Variants in NEDD4L observed in about 807,000 individuals in gnomAD.
NEDD4L encodes the protein NEDD4 like E3 ubiquitin protein ligase.
In NEDD4L, 54 loss-of-function variants were observed where a neutral mutation model predicts 148.9. The observed-to-expected ratio is 0.36, with a 90% CI of 0.29 to 0.45. The LOEUF is 0.45. NEDD4L is among the 20% of genes least tolerant of loss of function. The pLI is 1.00. For missense variants in NEDD4L, 856 were observed against 1,233.8 expected (o/e 0.69, Z 4.59); for synonymous variants, 433 against 440.7 (o/e 0.98, Z 0.22).
chr18:58,232,332 G>C (rs903658249), intron 2 of NEDD4L, among the ~76,000 whole-genome samples: 1 of 152,190 alleles, frequency 6.6e-6, no homozygotes, highest in African/African-American at 2.4e-5. Context: ...TAACCAGGCT[G>C]AGATCCCTGA....
chr18:58,155,176 C>T (rs924546232), intron 1 of NEDD4L, among the ~76,000 whole-genome samples: 6 of 151,432 alleles, frequency 4.0e-5, no homozygotes, highest in African/African-American at 1.5e-4. Context: ...TTGAAAATAA[C>T]CCATTTGTCA....
At chr18:58,375,604 C>T (rs1221918589) in intron 24 of NEDD4L, among the ~76,000 whole-genome samples, 1 of 152,124 alleles carries the variant, frequency 6.6e-6, no homozygotes, top group Non-Finnish European at 1.5e-5. Flanking sequence ...TGGCTCGACA[C>T]TGCCCACTCT....
Position 58,252,036 on chromosome 18 carries a change from A to G in NEDD4L, c.279A>G (p.Val93=), listed in dbSNP as rs181265652. 24 of 1,595,982 alleles carry G rather than the reference A, an allele frequency of 1.5e-5. No individual in the cohort carries two copies. The East Asian group carries it at 4.9e-4, about 33-fold the overall frequency. Reference sequence around the variant, plus strand: ...CTAATCACAGACTCCTATTTGAAGTATTTGACGAAAATAGACTGGTAAGTG... The same window carrying G: ...CTAATCACAGACTCCTATTTGAAGTGTTTGACGAAAATAGACTGGTAAGTG... ...NPSNHRLLFE[V]FDENRLTRDD... is the part of the protein sequence containing the mutation. Residue 93 remains valine, a synonymous_variant, in exon 5 of 31, where the codon GTA becomes GTG. Transcript: ENST00000400345.
chr18:58,103,878 T>C (rs2084913419), intron 1 of NEDD4L, among the ~76,000 whole-genome samples: 1 of 152,218 alleles, frequency 6.6e-6, no homozygotes, highest in African/African-American at 2.4e-5. Flanking sequence ...AGAATAAAGC[T>C]GTCCTAGAGG....
At chr18:58,143,839 A>G (rs1166053124) in intron 1 of NEDD4L, among the ~76,000 whole-genome samples, 2 of 152,212 alleles carry the variant, frequency 1.3e-5, no homozygotes, top group Non-Finnish European at 2.9e-5. Flanking sequence ...TTTTACAGCT[A>G]CGTGCTAGGT....
chr18:58,385,538 G>A lies in NEDD4L; in HGVS notation c.2439G>A (p.Gln813=). The A allele has an allele frequency of 1.9e-6, 3 of 1,613,768 alleles. No homozygotes were observed. The highest frequency in any genetic ancestry group is 2.5e-6 in the Non-Finnish European group (3 of 1,179,656). ...TTTTCTCCTGCAGCTTAGTCATCCA[G>A]TGGAGATTTGTGAACAGGGTCCAGA... ...NKREYIDLVI[Q]WRFVNRVQKQ... The change falls in exon 26 of 31, where the codon CAG becomes CAA. Residue 813 remains glutamine (Q), a synonymous_variant. Coordinates refer to ENST00000400345, the MANE Select transcript of NEDD4L (RefSeq NM_001144967.3).
At chr18:58,386,007 C>G (rs2048963484) in intron 26 of NEDD4L, among the ~76,000 whole-genome samples, 1 of 151,788 alleles carries the variant, frequency 6.6e-6, no homozygotes, top group African/African-American at 2.4e-5. Flanking sequence ...CCTGGCCACC[C>G]CTCCCTCCCT....
chr18:58,044,477 C>T lies in NEDD4L; in HGVS notation c.-184C>T. The T allele has an allele frequency of 1.4e-6, 1 of 700,746 alleles. No homozygotes were observed. The highest frequency in any genetic ancestry group is 2.0e-6 in the Non-Finnish European group (1 of 505,796). The allele number at this position is 700,746 out of a possible 1,614,324, so 43.4% of individuals were successfully genotyped here. On this transcript the variant is annotated 5_prime_UTR_variant, in exon 1 of 31. Transcript: ENST00000400345. ...GCAGCCTTCCGGGAGGAAGCGGTGC[C>T]GGCAGCGTCCAGGGCGCGCTCTCGG...
intron 1 of NEDD4L, among the ~76,000 whole-genome samples, chr18:58,151,347 G>C (rs1388856017): frequency 6.6e-6 from 1 of 152,160 alleles, no homozygotes; most frequent in Admixed American, 6.5e-5. Context: ...TTTCTCTTCA[G>C]TGTTGGTCCA....
chr18:58,094,374 A>G (rs1353838514), intron 1 of NEDD4L, among the ~76,000 whole-genome samples: 1 of 151,438 alleles, frequency 6.6e-6, no homozygotes, highest in Admixed American at 6.6e-5. Context: ...TTTTATAGAG[A>G]CGGGATTTCT....
intron 6 of NEDD4L, among the ~76,000 whole-genome samples, chr18:58,317,052 A>C (rs973336259): frequency 6.6e-6 from 1 of 152,258 alleles, no homozygotes; most frequent in Non-Finnish European, 1.5e-5. Context: ...TAAGCTTTGA[A>C]GATGTGTTGT....
chr18:58,340,779 T>TA (rs2042319832), intron 13 of NEDD4L, among the ~76,000 whole-genome samples: 1 of 152,200 alleles, frequency 6.6e-6, no homozygotes, highest in Non-Finnish European at 1.5e-5. Context: ...AGCAACCCTT[T>TA]ACGTTTGAGA....
intron 2 of NEDD4L, among the ~76,000 whole-genome samples, chr18:58,187,611 G>A (rs1401059740): frequency 2.6e-5 from 4 of 151,928 alleles, no homozygotes; most frequent in African/African-American, 7.3e-5. Flanking sequence ...TCTTCACATG[G>A]TATTGAGTTT....
chr18:58,364,132 A>G, intron 19 of NEDD4L, 136 bp from the exon 20 acceptor site: 3 of 658,648 alleles, frequency 4.6e-6, no homozygotes, highest in South Asian at 3.5e-5. Context: ...GACATTATCT[A>G]ATTTTTCCAT....
rs970637808 is a variant in NEDD4L at position 58,357,255 on chromosome 18, C to T, written c.1767+3C>T. 1.2e-6 allele frequency: 2 copies of T among 1,611,282 alleles called. No individual in the cohort carries two copies. The highest frequency in any genetic ancestry group is 1.7e-6 in the Non-Finnish European group (2 of 1,178,168). Reference sequence around the variant, plus strand: ...AGAACCCAGCTATTACTGGTCCGGTCAGTATTTTCAAATTCTGCCTCTTCA... The same window carrying T: ...AGAACCCAGCTATTACTGGTCCGGTTAGTATTTTCAAATTCTGCCTCTTCA... On this transcript the variant is annotated splice_donor_region_variant and intron_variant, in intron 19 of 30. Transcript: ENST00000400345.
intron 5 of NEDD4L, among the ~76,000 whole-genome samples, chr18:58,311,603 C>T (rs2057703052): frequency 6.6e-6 from 1 of 152,208 alleles, no homozygotes; most frequent in Non-Finnish European, 1.5e-5. Flanking sequence ...ACCACCGCCT[C>T]TGTCTTGAAA....
intron 19 of NEDD4L, among the ~76,000 whole-genome samples, chr18:58,359,310 A>G (rs1249487604): frequency 6.6e-6 from 1 of 151,916 alleles, no homozygotes; most frequent in African/African-American, 2.4e-5. Flanking sequence ...TATTTTCTCT[A>G]TGTGCTTGCA....
At chr18:58,302,412 A>G (rs1419802922) in intron 5 of NEDD4L, among the ~76,000 whole-genome samples, 1 of 152,176 alleles carries the variant, frequency 6.6e-6, no homozygotes, top group African/African-American at 2.4e-5. Flanking sequence ...CACTTTTTTT[A>G]AAGCTCGTTC....
chr18:58,293,598 T>C (rs992589010), intron 5 of NEDD4L, among the ~76,000 whole-genome samples: 1 of 152,242 alleles, frequency 6.6e-6, no homozygotes, highest in Non-Finnish European at 1.5e-5. Context: ...TTAATGCTGT[T>C]TTTATTTAAA....
Sources: allele counts gnomAD v4.1 joint callset (sites outside exome capture counted in the v4.1 genomes callset), GRCh38; gene constraint gnomAD v4.1.1; transcripts MANE v1.5; gene names NCBI Gene and HGNC (gene_info 2026-07-23, HGNC 2026-07-21).